OSTC: variants seen among roughly 807,000 people sequenced by gnomAD.
The protein encoded by OSTC is oligosaccharyltransferase complex non-catalytic subunit, also known as oligosaccharyltransferase complex subunit OSTC.
A neutral mutation model predicts 16.4 loss-of-function variants in OSTC; 16 were observed. The observed-to-expected ratio is 0.98, with a 90% CI of 0.66 to 1.49. The LOEUF is 1.49. Ranked by LOEUF, OSTC falls within the 40% of genes most tolerant of loss-of-function variation. The pLI is 0.00. For missense variants in OSTC, 139 were observed against 186.3 expected (o/e 0.75, Z 1.48); for synonymous variants, 67 against 68.5 (o/e 0.98, Z 0.11).
At chr4:108,655,074 A>G (rs1726666347) in intron 1 of OSTC, among the ~76,000 whole-genome samples, 1 of 152,224 alleles carries the variant, frequency 6.6e-6, no homozygotes, top group Admixed American at 6.5e-5. Context: ...AGTAATTCTA[A>G]AACATTGAGT....
At chr4:108,666,586 C>G (rs956084133) in intron 3 of OSTC, among the ~76,000 whole-genome samples, 9 of 151,870 alleles carry the variant, frequency 5.9e-5, no homozygotes, top group Non-Finnish European at 1.2e-4. Flanking sequence ...TGGCGGTCAC[C>G]TGTAATCCCA....
intron 2 of OSTC, 130 bp from the exon 3 acceptor site, chr4:108,657,320 A>G (rs896249396): frequency 1.3e-6 from 1 of 757,018 alleles, no homozygotes; most frequent in African/African-American, 1.8e-5. Flanking sequence ...GGTATAGTAA[A>G]ATAGTTGTAA....
At chr4:108,666,478 G>A (rs1488610944) in intron 3 of OSTC, among the ~76,000 whole-genome samples, 2 of 152,106 alleles carry the variant, frequency 1.3e-5, no homozygotes, top group Non-Finnish European at 2.9e-5. Flanking sequence ...GGGAGGCCGA[G>A]GTGGATGGAT....
chr4:108,661,369 C>A (rs150753511), intron 3 of OSTC, among the ~76,000 whole-genome samples: 224 of 152,024 alleles, frequency 1.5e-3, no homozygotes, highest in Middle Eastern at 0.01. Context: ...TGAAAATATT[C>A]TAATATAATT....
At chr4:108,657,064 CAAAA>C (rs762968337) in intron 2 of OSTC, among the ~76,000 whole-genome samples, 2 of 109,362 alleles carry the variant, frequency 1.8e-5, no homozygotes, top group South Asian at 5.8e-4. Flanking sequence ...GACTCAATCT[CAAAA>C]AAAAAAAAAA....
intron 1 of OSTC, among the ~76,000 whole-genome samples, chr4:108,653,509 T>G (rs1726612677): frequency 6.6e-6 from 1 of 152,164 alleles, no homozygotes; most frequent in Non-Finnish European, 1.5e-5. Context: ...GATAATATAA[T>G]GAAAGATATG....
chr4:108,664,170 C>G (rs1726935345), intron 3 of OSTC, among the ~76,000 whole-genome samples: 1 of 151,896 alleles, frequency 6.6e-6, no homozygotes, highest in South Asian at 2.1e-4. Context: ...TAAGGTAAAA[C>G]TATTTTAAGT....
intron 3 of OSTC, among the ~76,000 whole-genome samples, chr4:108,666,571 C>T (rs1169762715): frequency 2.6e-5 from 4 of 151,856 alleles, no homozygotes; most frequent in East Asian, 3.9e-4. Flanking sequence ...GTTAGCTGGG[C>T]GTGGTGGCGG....
chr4:108,653,211 C>T (rs1726602301), intron 1 of OSTC, among the ~76,000 whole-genome samples: 1 of 152,112 alleles, frequency 6.6e-6, no homozygotes, highest in African/African-American at 2.4e-5. Flanking sequence ...GGTGACAGAG[C>T]AAGACCCGAC....
At position 108,663,447 on chromosome 4, in the gene OSTC, C is replaced by T. The variant is rs142430715; in HGVS notation, c.432-3800C>T. 797 of 307,732 alleles carry T rather than the reference C, an allele frequency of 2.6e-3. 5 individuals carry two copies. Among genetic ancestry groups the T allele is most frequent in the African/African-American group, 0.016 (714 of 43,778 alleles). 19.1% of individuals were successfully genotyped at this position (307,732 alleles called of 1,614,324 possible). ...AGTGATCTCCTAACCTCGTGATCCG[C>T]CTGCCACGGCCTCCCAAAGTGCTAG... On this transcript the variant is annotated intron_variant, in intron 3 of 3. Coordinates refer to ENST00000361564, the MANE Select transcript of OSTC (RefSeq NM_021227.4).
At chr4:108,660,609 A>G (rs776782472) in intron 3 of OSTC, among the ~76,000 whole-genome samples, 16 of 152,232 alleles carry the variant, frequency 1.1e-4, no homozygotes, top group Admixed American at 5.2e-4. Flanking sequence ...ACAACAATAA[A>G]AAAGATGTCA....
At position 108,650,808 on chromosome 4, in the gene OSTC, T is replaced by C; in HGVS notation, c.139+14T>C. Reference sequence around the variant, plus strand: ...TCATCACCGGAGGTAACTCGGGCTGTCGGGCCCGAGAGGCTGAGGAGCGGA... The same window carrying C: ...TCATCACCGGAGGTAACTCGGGCTGCCGGGCCCGAGAGGCTGAGGAGCGGA... On this transcript the variant is annotated intron_variant, in intron 1 of 3. Coordinates refer to ENST00000361564, the MANE Select transcript of OSTC (RefSeq NM_021227.4). 6.2e-7 allele frequency: 1 copy of C among 1,613,906 alleles called. No individual in the cohort carries two copies. The highest frequency in any genetic ancestry group is 8.5e-7 in the Non-Finnish European group (1 of 1,179,944).
chr4:108,655,502 C>G, intron 1 of OSTC, 62 bp from the exon 2 acceptor site: 1 of 1,066,192 alleles, frequency 9.4e-7, no homozygotes, highest in Non-Finnish European at 1.4e-6. Flanking sequence ...ACAATGAAAA[C>G]TATAATCCTG....
intron 3 of OSTC, among the ~76,000 whole-genome samples, chr4:108,661,681 T>A (rs376514442): frequency 6.6e-6 from 1 of 152,186 alleles, no homozygotes; most frequent in East Asian, 1.9e-4. Context: ...CACTGCTACC[T>A]CCGCCTCCCA....
chr4:108,662,389 C>T (rs1167818446), intron 3 of OSTC, among the ~76,000 whole-genome samples: 2 of 152,174 alleles, frequency 1.3e-5, no homozygotes, highest in Non-Finnish European at 1.5e-5. Context: ...TTGTATTACA[C>T]GTTAACACTC....
chr4:108,653,944 T>C (rs989103458), intron 1 of OSTC, among the ~76,000 whole-genome samples: 36 of 152,282 alleles, frequency 2.4e-4, no homozygotes, highest in African/African-American at 8.2e-4. Context: ...GGAGTTCATT[T>C]TGGAGAAAAG....
chr4:108,665,618 G>A (rs1726977279), intron 3 of OSTC, among the ~76,000 whole-genome samples: 1 of 150,412 alleles, frequency 6.6e-6, no homozygotes, highest in South Asian at 2.1e-4. Context: ...GGAGTGCAAT[G>A]GCACAATCTT....
chr4:108,664,466 CTT>C (rs781473743), intron 3 of OSTC, among the ~76,000 whole-genome samples: 2 of 144,550 alleles, frequency 1.4e-5, no homozygotes, highest in Non-Finnish European at 3.0e-5. Context: ...CTTCTTGAAC[CTT>C]TTTTTTTTTT....
Position 108,659,501 on chromosome 4 carries a change from G to T in OSTC, c.431+1854G>T, listed in dbSNP as rs551796118. 2.6e-4 allele frequency among the ~76,000 whole-genome samples: 39 copies of T among 152,248 alleles called. No homozygotes were observed. The South Asian group carries it at 8.1e-3, about 32-fold the overall frequency. On this transcript the variant is annotated intron_variant, in intron 3 of 3. Coordinates refer to ENST00000361564, the MANE Select transcript of OSTC (RefSeq NM_021227.4). ...GATAGAATAAAGAGGTTACTGAAAG[G>T]CTCATGCCTGTAATCCCAGCACTTT...
Sources: allele counts gnomAD v4.1 joint callset (sites outside exome capture counted in the v4.1 genomes callset), GRCh38; gene constraint gnomAD v4.1.1; transcripts MANE v1.5; gene names NCBI Gene and HGNC (gene_info 2026-07-23, HGNC 2026-07-21).